IST1: variants seen among roughly 807,000 people sequenced by gnomAD.
IST1 encodes the protein IST1 homolog.
Under a neutral mutation model 37.0 loss-of-function variants are expected in IST1, and 23 were observed. The ratio of observed to expected loss-of-function variants is 0.62; its 90% CI spans 0.45 to 0.88. The LOEUF is 0.88. IST1 is among the 40% of genes least tolerant of loss of function. IST1 has a pLI of 0.00. For missense variants in IST1, 488 were observed against 445.4 expected, an observed-to-expected ratio of 1.10 and a Z score of -0.86; for synonymous variants, 180 against 161.7, an observed-to-expected ratio of 1.11 and a Z score of -0.86.
At position 71,922,509 on chromosome 16, in the gene IST1, T is replaced by A; in HGVS notation, c.588T>A (p.Ile196=). 1 of 1,614,150 alleles carries A rather than the reference T, an allele frequency of 6.2e-7. No homozygotes were observed. Among genetic ancestry groups the A allele is most frequent in the South Asian group, 1.1e-5 (1 of 91,080 alleles). ...CTCCTGGGGTAGAGACAGATCTTAT[T>A]GATGTTGGATTCACAGATGATGTGA... The part of the protein sequence containing the change: ...EAPPGVETDL[I]DVGFTDDVKK... Residue 196 remains isoleucine, a synonymous_variant, in exon 7 of 10, where the codon ATT becomes ATA. Transcript: ENST00000378799.
At position 71,921,389 on chromosome 16, in the gene IST1, A is replaced by C. The variant is rs934750253; in HGVS notation, c.488A>C (p.Glu163Ala). Residue 163 changes from glutamate (E) to alanine (A), a missense_variant, in exon 6 of 10, where the codon GAG (glutamate) becomes GCG (alanine). Glu to Ala is a moderately radical substitution (Grantham distance 107). Around this residue, in one of 2 missense-constraint regions of IST1, gnomAD observed 455 missense variants for 386.2 expected, o/e 1.18. Transcript: ENST00000378799. ...GAAGCCCCACCCAAAATCCTGGTGG[A>C]GAGATACCTGATTGAAATTGCAAAG... Reference protein sequence around the residue: ...SVEAPPKILVERYLIEIAKNY... With the variant: ...SVEAPPKILVARYLIEIAKNY... The C allele has an allele frequency of 3.7e-6, 6 of 1,613,764 alleles. No individual in the cohort carries two copies. The highest frequency in any genetic ancestry group is 4.2e-6 in the Non-Finnish European group (5 of 1,179,802).
intron 1 of IST1, among the ~76,000 whole-genome samples, chr16:71,906,870 T>C (rs1003077171): frequency 2.0e-5 from 3 of 152,054 alleles, no homozygotes; most frequent in Non-Finnish European, 4.4e-5. Flanking sequence ...TTCAATATTT[T>C]AAAAAATTGT....
At chr16:71,919,131 TA>T (rs1442889624) in intron 4 of IST1, among the ~76,000 whole-genome samples, 2 of 152,254 alleles carry the variant, frequency 1.3e-5, no homozygotes, top group Non-Finnish European at 2.9e-5. Context: ...CCTCTTGCTT[TA>T]AAGCCCATTA....
chr16:71,921,190 T>A lies in IST1; in HGVS notation c.442-153T>A, dbSNP rs540027951. The A allele has an allele frequency of 4.0e-4, 246 of 621,920 alleles. 1 individual carries two copies. The highest frequency in any genetic ancestry group is 4.9e-4 in the East Asian group (18 of 36,638). 38.5% of individuals were successfully genotyped at this position (621,920 alleles called of 1,614,324 possible). ...AGAGAGACTTGGGTCCTCTGATGTG[T>A]CTTGTGACTCTGAAAAAAATCATTT... On this transcript the variant is annotated intron_variant, in intron 5 of 9. Coordinates refer to ENST00000378799, the MANE Select transcript of IST1 (RefSeq NM_001270975.2).
chr16:71,901,490 G>GGT (rs1265396058), intron 1 of IST1, among the ~76,000 whole-genome samples: 1 of 152,192 alleles, frequency 6.6e-6, no homozygotes, highest in Non-Finnish European at 1.5e-5. Context: ...TGGGATTACA[G>GGT]GTGTGAGCCA....
In IST1 at chr16:71,906,002, CT is replaced by C. The variant is rs35581900; in HGVS notation, c.-15-9606del. On this transcript the variant is annotated intron_variant, in intron 1 of 9. Transcript: ENST00000378799. The stretch of plus-strand genomic sequence containing the variant: ...TGCATTAAAAACTTCTTAAGCAATT[CT>C]TTTTTTTTTTTTTTTTTGGAGACAG... 1.0e-2 allele frequency among the ~76,000 whole-genome samples: 1,271 copies of C among 127,704 alleles called. 17 individuals carry two copies. The highest frequency in any genetic ancestry group is 0.024 in the African/African-American group (830 of 34,630). The allele number at this position is 127,704 out of a possible 152,430, so 83.8% of individuals were successfully genotyped here. A position where few individuals can be genotyped will look rare whatever the true frequency, so the allele number is the denominator to read the frequency against.
intron 8 of IST1, 174 bp from the exon 9 acceptor site, chr16:71,924,595 A>G (rs559211307): frequency 6.2e-5 from 38 of 616,796 alleles, no homozygotes; most frequent in African/African-American, 1.8e-4. Context: ...CTCAAAATCA[A>G]AGGAGTTCAA....
At chr16:71,895,731 G>C (rs1300300826) in intron 1 of IST1, 142 bp downstream of exon 1, 1 of 206,114 alleles carries the variant, frequency 4.9e-6, no homozygotes, top group Non-Finnish European at 8.5e-6. Context: ...GAAGGATAGT[G>C]GAAGTGGGGG....
chr16:71,919,953 G>T (rs1346786527), intron 4 of IST1, among the ~76,000 whole-genome samples: 1 of 152,148 alleles, frequency 6.6e-6, no homozygotes, highest in Admixed American at 6.5e-5. Context: ...CAGAAAGGGT[G>T]CTCCTTGCAG....
intron 1 of IST1, among the ~76,000 whole-genome samples, chr16:71,912,454 G>C (rs544868735): frequency 6.6e-6 from 1 of 152,136 alleles, no homozygotes; most frequent in South Asian, 2.1e-4. Context: ...AGCCAGGATG[G>C]TCTCGATCTC....
Position 71,925,850 on chromosome 16 carries a change from G to T in IST1, c.901+1033G>T, listed in dbSNP as rs149827775. ...TGGACTTGTGGTCACAGCTACTCAA[G>T]AGGCGTTCTTAGCCCAGGAGTTCAA... is the stretch of plus-strand genomic sequence containing the variant. On this transcript the variant is annotated intron_variant, in intron 9 of 9. Transcript: ENST00000378799. 3.3e-5 allele frequency among the ~76,000 whole-genome samples: 5 copies of T among 152,282 alleles called. No homozygotes were observed. The East Asian group carries it at 9.7e-4, about 29-fold the overall frequency.
At chr16:71,905,622 C>T (rs1382871350) in intron 1 of IST1, among the ~76,000 whole-genome samples, 2 of 152,168 alleles carry the variant, frequency 1.3e-5, no homozygotes, top group Non-Finnish European at 2.9e-5. Flanking sequence ...TCAGGCGATC[C>T]ACCTGCCTTG....
At chr16:71,900,550 A>G (rs1275219966) in intron 1 of IST1, among the ~76,000 whole-genome samples, 2 of 152,182 alleles carry the variant, frequency 1.3e-5, no homozygotes, top group East Asian at 1.9e-4. Context: ...CTGAGTGATA[A>G]AAGAGGAACT....
chr16:71,919,388 C>T (rs532140486), intron 4 of IST1, among the ~76,000 whole-genome samples: 2 of 152,218 alleles, frequency 1.3e-5, no homozygotes, highest in African/African-American at 4.8e-5. Flanking sequence ...CCTAGTCATC[C>T]TTTAATTTAT....
chr16:71,918,372 T>C (rs1377896739), intron 4 of IST1, among the ~76,000 whole-genome samples: 2 of 150,958 alleles, frequency 1.3e-5, no homozygotes, highest in African/African-American at 4.9e-5. Context: ...TTGAGTTTTG[T>C]GGGCAGAGAA....
At chr16:71,924,709 C>G (rs1375740749) in intron 8 of IST1, 60 bp from the exon 9 acceptor site, 17 of 1,294,658 alleles carry the variant, frequency 1.3e-5, no homozygotes, top group South Asian at 4.7e-5. Flanking sequence ...GGGGCTTACA[C>G]CAGTACTTTC....
chr16:71,917,565 C>T (rs1199582955), intron 4 of IST1, among the ~76,000 whole-genome samples: 1 of 152,212 alleles, frequency 6.6e-6, no homozygotes, highest in East Asian at 1.9e-4. Flanking sequence ...AGCCATACTC[C>T]TGTAGCTTAG....
At chr16:71,915,919 C>G (rs1472752436) in intron 2 of IST1, among the ~76,000 whole-genome samples, 191 bp downstream of exon 2, 1 of 150,966 alleles carries the variant, frequency 6.6e-6, no homozygotes, top group East Asian at 2.0e-4. Flanking sequence ...CAACCTCCAT[C>G]TCGTGGGTTC....
intron 1 of IST1, among the ~76,000 whole-genome samples, chr16:71,903,998 G>A (rs926813365): frequency 1.3e-5 from 2 of 152,122 alleles, no homozygotes; most frequent in African/African-American, 2.4e-5. Flanking sequence ...TAGGATTGTT[G>A]TATCTTCCTG....
Sources: allele counts gnomAD v4.1 joint callset (sites outside exome capture counted in the v4.1 genomes callset), GRCh38; gene constraint gnomAD v4.1.1; regional missense constraint gnomAD v4.1.1; transcripts MANE v1.5; gene names NCBI Gene and HGNC (gene_info 2026-07-23, HGNC 2026-07-21).